Variants in FAT4 observed in about 807,000 individuals in gnomAD.
The protein encoded by FAT4 is FAT atypical cadherin 4, also known as protocadherin Fat 4.
In FAT4, 84 loss-of-function variants were observed where a neutral mutation model predicts 303.9. The ratio of observed to expected loss-of-function variants is 0.28; its 90% CI spans 0.23 to 0.33. FAT4 has a LOEUF of 0.33. Ranked by LOEUF, FAT4 falls within the 10% of genes least tolerant of loss-of-function variation. The pLI, the probability that FAT4 is intolerant of heterozygous loss-of-function variation, is 1.00. For synonymous variants in FAT4, 2,307 were observed against 2,298.8 expected (o/e 1.00, Z -0.10); for missense variants, 6,005 against 6,146.8 (o/e 0.98, Z 0.77).
chr4:125,444,017 AT>A (rs1560611250), intron 8 of FAT4, among the ~76,000 whole-genome samples: 1 of 152,202 alleles, frequency 6.6e-6, no homozygotes, highest in East Asian at 1.9e-4. Flanking sequence ...GAAAAAATTA[AT>A]TAGATATTAA....
chr4:125,475,577 G>A (rs893775086), intron 12 of FAT4, among the ~76,000 whole-genome samples: 2 of 152,024 alleles, frequency 1.3e-5, no homozygotes, highest in African/African-American at 4.8e-5. Context: ...ACAGAAATAT[G>A]CTGTAATGTT....
chr4:125,485,232 C>A (rs1727366216), intron 16 of FAT4, among the ~76,000 whole-genome samples: 1 of 151,952 alleles, frequency 6.6e-6, no homozygotes, highest in Non-Finnish European at 1.5e-5. Flanking sequence ...AAATATTTTT[C>A]TTCAATAATA....
At chr4:125,381,510 A>T (rs185586705) in intron 2 of FAT4, among the ~76,000 whole-genome samples, 1,647 of 152,302 alleles carry the variant, frequency 0.011, 16 homozygotes, top group Non-Finnish European at 0.018. Context: ...TTACATTTTT[A>T]AAAAACAATG....
intron 2 of FAT4, among the ~76,000 whole-genome samples, chr4:125,348,470 T>C (rs1427565768): frequency 6.6e-6 from 1 of 151,662 alleles, no homozygotes; most frequent in East Asian, 1.9e-4. Flanking sequence ...TGATGCCTGA[T>C]ACCTAGAGAG....
At chr4:125,471,111 A>G (rs6833767) in intron 12 of FAT4, among the ~76,000 whole-genome samples, 114,783 of 152,120 alleles carry the variant, frequency 0.75, 43,430 homozygotes, top group East Asian at 0.85. Context: ...AATTGCTGGA[A>G]CAGCCAGAAC....
At chr4:125,359,103 A>G (rs1368185556) in intron 2 of FAT4, among the ~76,000 whole-genome samples, 1 of 152,190 alleles carries the variant, frequency 6.6e-6, no homozygotes, top group Non-Finnish European at 1.5e-5. Flanking sequence ...CAGCATAAAT[A>G]TCTATATAGA....
At position 125,438,803 on chromosome 4, in the gene FAT4, A is replaced by T. The variant is rs1436106531; in HGVS notation, c.7199+4378A>T. Among the ~76,000 whole-genome samples, 2 of 152,138 alleles carry T rather than the reference A, an allele frequency of 1.3e-5. 1 individual carries two copies. Among genetic ancestry groups the T allele is most frequent in the Admixed American group, 1.3e-4 (2 of 15,274 alleles). On this transcript the variant is annotated intron_variant, in intron 8 of 17. Coordinates refer to ENST00000394329, the MANE Select transcript of FAT4 (RefSeq NM_001291303.3). ...TGGTGTTAATAACTCCTTGCTATTC[A>T]TGGTATCCTGAAGAAAATCTATTCT...
intron 7 of FAT4, among the ~76,000 whole-genome samples, chr4:125,423,090 G>A (rs551558842): frequency 5.3e-5 from 8 of 152,166 alleles, no homozygotes; most frequent in Non-Finnish European, 8.8e-5. Flanking sequence ...AGATGAAGCA[G>A]AGCATAAAAG....
At chr4:125,322,544 C>T (rs1199761237) in intron 2 of FAT4, among the ~76,000 whole-genome samples, 1 of 152,040 alleles carries the variant, frequency 6.6e-6, no homozygotes, top group Non-Finnish European at 1.5e-5. Flanking sequence ...CTCCCCAGGC[C>T]CCTCAAAGAC....
chr4:125,459,167 T>C (rs1726396301), intron 10 of FAT4, among the ~76,000 whole-genome samples: 2 of 152,028 alleles, frequency 1.3e-5, no homozygotes, highest in Non-Finnish European at 2.9e-5. Flanking sequence ...TAATCTAAGA[T>C]CTTAAATTGA....
At chr4:125,348,218 A>G (rs906772363) in intron 2 of FAT4, among the ~76,000 whole-genome samples, 2 of 151,914 alleles carry the variant, frequency 1.3e-5, no homozygotes, top group African/African-American at 4.8e-5. Context: ...TGTAGTTTCT[A>G]TACGAAGCAT....
intron 12 of FAT4, among the ~76,000 whole-genome samples, chr4:125,469,611 G>T (rs1044683673): frequency 6.6e-6 from 1 of 152,050 alleles, no homozygotes; most frequent in Non-Finnish European, 1.5e-5. Flanking sequence ...TTAATAAACC[G>T]CTTCCTTTGT....
intron 12 of FAT4, among the ~76,000 whole-genome samples, chr4:125,470,309 A>G (rs765903149): frequency 2.0e-5 from 3 of 152,212 alleles, no homozygotes; most frequent in Non-Finnish European, 4.4e-5. Flanking sequence ...ATGGAAAAGG[A>G]GCACTGGTTT....
chr4:125,327,660 C>A (rs1560761133), intron 2 of FAT4, among the ~76,000 whole-genome samples: 1 of 152,140 alleles, frequency 6.6e-6, no homozygotes, highest in Admixed American at 6.5e-5. Flanking sequence ...GCTTGATTTA[C>A]TCCTGCTGCT....
At chr4:125,407,529 C>T (rs932756332) in intron 4 of FAT4, among the ~76,000 whole-genome samples, 5 of 151,914 alleles carry the variant, frequency 3.3e-5, no homozygotes, top group African/African-American at 1.2e-4. Flanking sequence ...CGCTCACTAG[C>T]TGTGTGACCA....
At chr4:125,335,556 C>T (rs1731539997) in intron 2 of FAT4, among the ~76,000 whole-genome samples, 1 of 151,900 alleles carries the variant, frequency 6.6e-6, no homozygotes, top group African/African-American at 2.4e-5. Flanking sequence ...ATTTATAATA[C>T]ACGGAGGAAA....
At chr4:125,384,080 G>A (rs1578581713) in intron 2 of FAT4, among the ~76,000 whole-genome samples, 1 of 152,210 alleles carries the variant, frequency 6.6e-6, no homozygotes, top group East Asian at 1.9e-4. Context: ...ATCAGCTGAT[G>A]GACATTTGGG....
chr4:125,456,178 C>T (rs897159286), intron 10 of FAT4, among the ~76,000 whole-genome samples: 3 of 152,096 alleles, frequency 2.0e-5, no homozygotes, highest in African/African-American at 7.2e-5. Flanking sequence ...AAGGTAGGAA[C>T]GATGCTGAAT....
intron 3 of FAT4, among the ~76,000 whole-genome samples, chr4:125,406,652 G>A (rs1418239778): frequency 6.6e-6 from 1 of 152,066 alleles, no homozygotes; most frequent in African/African-American, 2.4e-5. Flanking sequence ...CCATTTGTTT[G>A]TATCTTTGTT....
Sources: gnomAD v4.1 joint callset for allele counts (sites outside exome capture counted in the v4.1 genomes callset) on GRCh38, gnomAD v4.1.1 for gene constraint, MANE v1.5 for transcripts, NCBI Gene and HGNC (gene_info 2026-07-23, HGNC 2026-07-21) for gene names.